CCDC7: variants seen among roughly 807,000 people sequenced by gnomAD.
CCDC7 encodes the protein coiled-coil domain containing 7.
Under a neutral mutation model 196.9 loss-of-function variants are expected in CCDC7, and 183 were observed. That is an observed-to-expected ratio of 0.93 (90% CI 0.82 to 1.05). The LOEUF (loss-of-function observed/expected upper bound fraction) is 1.05. Among genes scored for constraint, CCDC7 ranks in the 50% least tolerant of loss-of-function variants. The pLI, the probability that CCDC7 is intolerant of heterozygous loss-of-function variation, is 0.00. For synonymous variants in CCDC7, 525 were observed against 484.6 expected, an observed-to-expected ratio of 1.08 and a Z score of -1.10; for missense variants, 1,540 against 1,482.2, an observed-to-expected ratio of 1.04 and a Z score of -0.64.
chr10:32,472,399 T>C, intron 6 of CCDC7, 82 bp from the exon 8 acceptor site: 1 of 1,283,450 alleles, frequency 7.8e-7, no homozygotes. Flanking sequence ...TGTCTGGACT[T>C]CACATTTTAG....
chr10:32,707,453 A>G (rs1591848187), intron 24 of CCDC7, among the ~76,000 whole-genome samples: 2 of 152,190 alleles, frequency 1.3e-5, no homozygotes, highest in African/African-American at 4.8e-5. Context: ...TCAACATAGT[A>G]TTGGAAGTTC....
intron 16 of CCDC7, among the ~76,000 whole-genome samples, chr10:32,574,067 G>T (rs1259739493): frequency 6.6e-6 from 1 of 152,026 alleles, no homozygotes; most frequent in Non-Finnish European, 1.5e-5. Context: ...TTAGAAAGAT[G>T]GTTGGGTTGG....
chr10:32,451,651 A>G (rs1327148678), exon 1 of CCDC7: 1 of 1,591,524 alleles, frequency 6.3e-7, no homozygotes, highest in Non-Finnish European at 8.6e-7. Flanking sequence ...AAATGAAACC[A>G]GTAAAGCATC....
intron 13 of CCDC7, among the ~76,000 whole-genome samples, chr10:32,547,136 C>T (rs1197735180): frequency 6.6e-6 from 1 of 152,014 alleles, no homozygotes; most frequent in Non-Finnish European, 1.5e-5. Flanking sequence ...TCCCGCCTCA[C>T]CCTCCCAGGT....
intron 24 of CCDC7, among the ~76,000 whole-genome samples, chr10:32,701,527 C>T (rs2078723820): frequency 6.6e-6 from 1 of 152,104 alleles, no homozygotes. Flanking sequence ...TGATGCTGGC[C>T]TCATAAAATG....
At chr10:32,717,096 G>A (rs1336102782) in intron 25 of CCDC7, among the ~76,000 whole-genome samples, 4 of 152,052 alleles carry the variant, frequency 2.6e-5, no homozygotes, top group South Asian at 2.1e-4. Flanking sequence ...TCAGCACCAC[G>A]TCGCACTTAT....
intron 16 of CCDC7, among the ~76,000 whole-genome samples, chr10:32,579,955 T>C (rs975044071): frequency 1.3e-5 from 2 of 151,884 alleles, no homozygotes; most frequent in Non-Finnish European, 2.9e-5. Context: ...TAGCTACACA[T>C]AACAAGGTTT....
At chr10:32,648,866 G>A (rs180754197) in intron 20 of CCDC7, among the ~76,000 whole-genome samples, 3 of 151,954 alleles carry the variant, frequency 2.0e-5, no homozygotes, top group African/African-American at 4.8e-5. Flanking sequence ...GTTTTATGTC[G>A]TTACAGCACT....
At chr10:32,560,492 G>A (rs919426684) in intron 13 of CCDC7, among the ~76,000 whole-genome samples, 148 of 152,320 alleles carry the variant, frequency 9.7e-4, no homozygotes, top group Non-Finnish European at 1.6e-3. Flanking sequence ...AACTCTGCAA[G>A]CCAGAAGAGA....
chr10:32,746,530 A>G (rs1266495505), intron 28 of CCDC7, among the ~76,000 whole-genome samples: 5 of 152,128 alleles, frequency 3.3e-5, no homozygotes, highest in Non-Finnish European at 7.4e-5. Flanking sequence ...GACCTTTGTT[A>G]ACTGTCAGGC....
At position 32,859,892 on chromosome 10, in the gene CCDC7, A is replaced by T. The variant is rs185046894; in HGVS notation, c.4111+5403A>T. On this transcript the variant is annotated intron_variant, in intron 41 of 41. Transcript: ENST00000639629. ...AGGTCGAATCCCTGAATAGGCCAAT[A>T]ACAAGTTCTGAAATTGAGGCAGCAA... 1.7e-4 allele frequency among the ~76,000 whole-genome samples: 26 copies of T among 152,318 alleles called. No individual in the cohort carries two copies. The East Asian group carries it at 5.0e-3, about 29-fold the overall frequency.
intron 18 of CCDC7, among the ~76,000 whole-genome samples, chr10:32,585,325 G>C (rs1195261877): frequency 6.6e-6 from 1 of 152,088 alleles, no homozygotes; most frequent in Non-Finnish European, 1.5e-5. Context: ...CGCCCGCCTT[G>C]GCCTCCCAAA....
chr10:32,517,335 C>A (rs1472098653), intron 9 of CCDC7, among the ~76,000 whole-genome samples: 2 of 151,808 alleles, frequency 1.3e-5, no homozygotes, highest in Non-Finnish European at 2.9e-5. Flanking sequence ...ACAGTGATGT[C>A]ATTTATGTGA....
chr10:32,735,404 T>G (rs537408647), intron 28 of CCDC7, among the ~76,000 whole-genome samples: 7 of 152,322 alleles, frequency 4.6e-5, no homozygotes, highest in Admixed American at 3.3e-4. Context: ...AGGTTTGTAG[T>G]GGCATGTAGT....
intron 18 of CCDC7, among the ~76,000 whole-genome samples, chr10:32,607,496 A>G (rs2061668220): frequency 6.6e-6 from 1 of 152,156 alleles, no homozygotes; most frequent in East Asian, 1.9e-4. Flanking sequence ...GTGTTAAGGT[A>G]TGTTTCTTCT....
intron 13 of CCDC7, among the ~76,000 whole-genome samples, chr10:32,549,119 G>A (rs2053028762): frequency 6.6e-6 from 1 of 152,090 alleles, no homozygotes; most frequent in African/African-American, 2.4e-5. Context: ...CAGGAGCAAG[G>A]TGGTATGGCA....
chr10:32,748,828 C>A (rs117677211), intron 28 of CCDC7, among the ~76,000 whole-genome samples: 2,639 of 152,262 alleles, frequency 0.017, 38 homozygotes, highest in Admixed American at 0.029. Flanking sequence ...GTCCTGAGAG[C>A]AGACCTTGTT....
chr10:32,509,233 G>C (rs914942646), intron 9 of CCDC7, among the ~76,000 whole-genome samples: 3 of 152,070 alleles, frequency 2.0e-5, no homozygotes, highest in Non-Finnish European at 4.4e-5. Context: ...AAACAGATTA[G>C]CAAGCGCAGA....
intron 8 of CCDC7, among the ~76,000 whole-genome samples, chr10:32,482,407 G>C (rs909064007): frequency 6.6e-6 from 1 of 151,508 alleles, no homozygotes; most frequent in East Asian, 1.9e-4. Context: ...TAAGTTTACA[G>C]ATTCTTTCTT....
Sources: allele counts gnomAD v4.1 joint callset (sites outside exome capture counted in the v4.1 genomes callset), GRCh38; gene constraint gnomAD v4.1.1; transcripts MANE v1.5; gene names NCBI Gene and HGNC (gene_info 2026-07-23, HGNC 2026-07-21).